KANK3: variants seen among roughly 807,000 people sequenced by gnomAD.
The protein encoded by KANK3 is KN motif and ankyrin repeat domain-containing protein 3.
In KANK3, 61 loss-of-function variants were observed where a neutral mutation model predicts 65.4. That is an observed-to-expected ratio of 0.93 (90% CI 0.76 to 1.15). KANK3 has a LOEUF of 1.15. KANK3 is among the 50% of genes most tolerant of loss of function. The pLI, the probability that KANK3 is intolerant of heterozygous loss-of-function variation, is 0.00. For synonymous variants in KANK3, 586 were observed against 543.3 expected (o/e 1.08, Z -1.09); for missense variants, 1,187 against 1,178.8 (o/e 1.01, Z -0.10).
At position 8,324,946 on chromosome 19, in the gene KANK3, C is replaced by T. The variant is rs748648183; in HGVS notation, c.2082+5G>A. On this transcript the variant is annotated splice_donor_5th_base_variant and intron_variant, in intron 8 of 10. Coordinates refer to ENST00000330915, the MANE Select transcript of KANK3 (RefSeq NM_198471.3). ...CTGAGAGCCACAGTGGGGGCGCCCACGCACCTGACTGGCCTTGGCATTGAC... is the reference window on the plus strand; with the variant it reads ...CTGAGAGCCACAGTGGGGGCGCCCATGCACCTGACTGGCCTTGGCATTGAC... 18 of 1,612,602 alleles carry T rather than the reference C, an allele frequency of 1.1e-5. No individual in the cohort carries two copies. Among genetic ancestry groups the T allele is most frequent in the Admixed American group, 1.0e-4 (6 of 59,890 alleles).
In KANK3 at chr19:8,334,970, A is replaced by G. The variant is rs750890886; in HGVS notation, c.857T>C (p.Val286Ala). Reference sequence around the variant, plus strand: ...GAGACTCCCGACCTCCCCGTCGAGGACCTGGAGCGCGCCCTCGCTGCGCCC... The same window carrying G: ...GAGACTCCCGACCTCCCCGTCGAGGGCCTGGAGCGCGCCCTCGCTGCGCCC... ...AAGRSEGALQVLDGEVGSLDG... is the reference protein window; with the variant it reads ...AAGRSEGALQALDGEVGSLDG... The change falls in exon 3 of 11, where the codon GTC (valine) becomes GCC (alanine). Residue 286 changes from valine to alanine, a missense_variant. Val to Ala is a moderately conservative substitution (Grantham distance 64). Around this residue, in one of 3 missense-constraint regions of KANK3, gnomAD observed 1,078 missense variants for 1,038.2 expected, o/e 1.04. Transcript: ENST00000330915. 2.0e-6 allele frequency: 3 copies of G among 1,492,966 alleles called. No homozygotes were observed. Among genetic ancestry groups the G allele is most frequent in the African/African-American group, 2.9e-5 (2 of 68,384 alleles). The allele number at this position is 1,492,966 out of a possible 1,614,324, so 92.5% of individuals were successfully genotyped here. A position where few individuals can be genotyped will look rare whatever the true frequency, so the allele number is the denominator to read the frequency against.
At chr19:8,342,682 G>A (rs1970736071) in intron 1 of KANK3, among the ~76,000 whole-genome samples, 1 of 151,688 alleles carries the variant, frequency 6.6e-6, no homozygotes, top group African/African-American at 2.4e-5. Flanking sequence ...CTTGAGGTGG[G>A]TGGGTGGGGG....
Position 8,333,690 on chromosome 19 carries a change from C to A in KANK3, c.1719+34G>T, listed in dbSNP as rs1449546881. The A allele has an allele frequency of 7.0e-7, 1 of 1,424,770 alleles. No individual in the cohort carries two copies. Among genetic ancestry groups the A allele is most frequent in the East Asian group, 2.6e-5 (1 of 38,304 alleles). 88.3% of individuals were successfully genotyped at this position (1,424,770 alleles called of 1,614,324 possible). A position where few individuals can be genotyped will look rare whatever the true frequency, so the allele number is the denominator to read the frequency against. On this transcript the variant is annotated intron_variant, in intron 6 of 10. Transcript: ENST00000330915. This position sits in a 1 kb window ranked among gnomAD's most constrained non-coding sequence, Gnocchi z 5.0. ...TCAGAGGTCCTTGGAGGCTCCCACG[C>A]CACTCCCTGGTGCTGCGCTCCCGGG...
At chr19:8,324,213 C>G (rs913794512) in intron 10 of KANK3, among the ~76,000 whole-genome samples, 1 of 152,170 alleles carries the variant, frequency 6.6e-6, no homozygotes, top group Non-Finnish European at 1.5e-5. Flanking sequence ...CCCTTGAGCT[C>G]AGGAGTTTGT....
chr19:8,330,032 G>A (rs1020836165), intron 7 of KANK3, among the ~76,000 whole-genome samples: 2 of 152,194 alleles, frequency 1.3e-5, no homozygotes, highest in Non-Finnish European at 2.9e-5. Context: ...CTTGAGGTCA[G>A]AGGTAGAAGC....
chr19:8,324,422 GT>G (rs753668308), intron 10 of KANK3, 26 bp downstream of exon 10: 1 of 1,557,744 alleles, frequency 6.4e-7, no homozygotes, highest in East Asian at 2.4e-5. Flanking sequence ...AGCTGGGAAA[GT>G]TTGTTTCTTC....
At chr19:8,340,291 T>TATACAC (rs1472181365) in intron 1 of KANK3, among the ~76,000 whole-genome samples, 4 of 92,868 alleles carry the variant, frequency 4.3e-5, no homozygotes, top group East Asian at 3.9e-4. Context: ...TATATATATA[T>TATACAC]ACACACACAC....
rs199751780 is a variant in KANK3 at position 8,324,717 on chromosome 19, C to T, written c.2196G>A (p.Ala732=). ...VNAQDADGAT[A]LMCASEYGRL... ...GCCCATACTCACTGGCACACATCAG[C>T]GCTGTGGCCCCATCCGCATCCTGCG... is the stretch of plus-strand genomic sequence containing the variant. The change falls in exon 9 of 11, where the codon GCG becomes GCA. Residue 732 remains alanine (A), a synonymous_variant. Coordinates refer to ENST00000330915, the MANE Select transcript of KANK3 (RefSeq NM_198471.3). 49 of 1,614,028 alleles carry T rather than the reference C, an allele frequency of 3.0e-5. No individual in the cohort carries two copies. In the Admixed American group the frequency reaches 5.3e-4, roughly 18 times the overall value.
rs1970572460 is a variant in KANK3 at position 8,333,728 on chromosome 19, T to C, written c.1715A>G (p.Asp572Gly). 6.9e-7 allele frequency: 1 copy of C among 1,458,736 alleles called. No individual in the cohort carries two copies. 90.4% of individuals were successfully genotyped at this position (1,458,736 alleles called of 1,614,324 possible). A position where few individuals can be genotyped will look rare whatever the true frequency, so the allele number is the denominator to read the frequency against. Residue 572 changes from aspartate (D) to glycine (G), a missense_variant, in exon 6 of 11, where the codon GAC becomes GGC. By Grantham distance (94) the Asp-to-Gly change is moderately conservative. Around this residue, in one of 3 missense-constraint regions of KANK3, gnomAD observed 1,078 missense variants for 1,038.2 expected, o/e 1.04. Transcript: ENST00000330915. This position sits in a 1 kb window ranked among gnomAD's most constrained non-coding sequence, Gnocchi z 5.0. ...CTGCGCTCCCGGGGCACTCACGCCG[T>C]CGCTGGCTACTCCGCGGGGCCGGCT... ...QLSRPRGVAS[D>G]GGAVRLVAQE...
intron 1 of KANK3, among the ~76,000 whole-genome samples, chr19:8,342,626 GC>G (rs1374778612): frequency 1.4e-5 from 2 of 145,486 alleles, no homozygotes; most frequent in Non-Finnish European, 3.0e-5. Flanking sequence ...CTTCCAGGAG[GC>G]CCTGAGTACT....
At chr19:8,334,155 G>A in intron 4 of KANK3, 39 bp from the exon 5 acceptor site, 1 of 1,490,668 alleles carries the variant, frequency 6.7e-7, no homozygotes. Context: ...AACCTCCCCT[G>A]TGGGCTCGTT....
intron 1 of KANK3, among the ~76,000 whole-genome samples, chr19:8,340,291 T>TATATATATATATATATATACACACACAC (rs1472181365): frequency 8.6e-5 from 8 of 92,856 alleles, no homozygotes; most frequent in Admixed American, 5.1e-4. Flanking sequence ...TATATATATA[T>TATATATATATATATATATACACACACAC]ACACACACAC....
At chr19:8,332,464 C>T (rs998751379) in intron 7 of KANK3, among the ~76,000 whole-genome samples, 7 of 151,690 alleles carry the variant, frequency 4.6e-5, no homozygotes, top group African/African-American at 1.7e-4. Context: ...AGGCATGAGC[C>T]ACCATGCCTG....
intron 7 of KANK3, among the ~76,000 whole-genome samples, chr19:8,332,460 G>T (rs902708660): frequency 5.5e-4 from 83 of 151,794 alleles, no homozygotes; most frequent in African/African-American, 2.0e-3. Context: ...TTAAAGGCAT[G>T]AGCCACCATG....
intron 7 of KANK3, among the ~76,000 whole-genome samples, chr19:8,328,360 C>A (rs1052539694): frequency 7.3e-5 from 11 of 151,040 alleles, no homozygotes; most frequent in Non-Finnish European, 1.5e-4. Flanking sequence ...ATAATCGTCT[C>A]TCTCCACTCT....
chr19:8,337,760 C>T, intron 2 of KANK3, 35 bp downstream of exon 2: 1 of 1,560,562 alleles, frequency 6.4e-7, no homozygotes, highest in African/African-American at 1.4e-5. Context: ...TGTGCATGCG[C>T]ACACACACAC....
At chr19:8,325,273 A>T (rs887802228) in intron 7 of KANK3, among the ~76,000 whole-genome samples, 177 bp from the exon 8 acceptor site, 1 of 140,834 alleles carries the variant, frequency 7.1e-6, no homozygotes, top group Non-Finnish European at 1.5e-5. Context: ...CCATCTGCTC[A>T]GTGAAGGACC....
At position 8,324,947 on chromosome 19, in the gene KANK3, G is replaced by A. The variant is rs770168116; in HGVS notation, c.2082+4C>T. On this transcript the variant is annotated splice_donor_region_variant and intron_variant, in intron 8 of 10. Transcript: ENST00000330915. ...TGAGAGCCACAGTGGGGGCGCCCAC[G>A]CACCTGACTGGCCTTGGCATTGACA... 16 of 1,612,528 alleles carry A rather than the reference G, an allele frequency of 9.9e-6. No homozygotes were observed. The highest frequency in any genetic ancestry group is 5.3e-5 in the African/African-American group (4 of 74,906).
Position 8,334,771 on chromosome 19 carries a change from C to G in KANK3, c.1056G>C (p.Glu352Asp). 1 of 1,503,016 alleles carries G rather than the reference C, an allele frequency of 6.7e-7. No homozygotes were observed. Among genetic ancestry groups the G allele is most frequent in the Non-Finnish European group, 8.8e-7 (1 of 1,134,652 alleles). The allele number at this position is 1,503,016 out of a possible 1,614,324, so 93.1% of individuals were successfully genotyped here. A position where few individuals can be genotyped will look rare whatever the true frequency, so the allele number is the denominator to read the frequency against. The part of the protein sequence containing the change: ...EALLGLPAAA[E>D]RELELLRASL... ...TGGCGCGCAGCAGCTCTAGCTCGCGCTCGGCGGCCGCAGGCAGCCCCAGCA... is the reference window on the plus strand; with the variant it reads ...TGGCGCGCAGCAGCTCTAGCTCGCGGTCGGCGGCCGCAGGCAGCCCCAGCA... Residue 352 changes from glutamate to aspartate, a missense_variant, in exon 3 of 11, where the codon GAG becomes GAC. Physicochemically the swap from Glu to Asp is conservative, Grantham distance 45. Transcript: ENST00000330915.
Sources: gnomAD v4.1 joint callset for allele counts (sites outside exome capture counted in the v4.1 genomes callset) on GRCh38, gnomAD v4.1.1 for gene constraint, gnomAD v4.1.1 regional missense constraint, Gnocchi (gnomAD v3.1) non-coding constraint, MANE v1.5 for transcripts, NCBI Gene and HGNC (gene_info 2026-07-23, HGNC 2026-07-21) for gene names.